The following HOMER1 variants were observed in gnomAD, a reference collection of about 807,000 sequenced individuals.
The protein encoded by HOMER1 is homer scaffold protein 1, also known as homer protein homolog 1.
HOMER1 carries 3 observed loss-of-function variants against 48.9 expected under a neutral mutation model. The ratio of observed to expected loss-of-function variants is 0.06; its 90% CI spans 0.03 to 0.16. The LOEUF is 0.16. Ranked by LOEUF, HOMER1 falls within the 10% of genes least tolerant of loss-of-function variation. HOMER1 has a pLI of 1.00. For synonymous variants in HOMER1, 134 were observed against 146.4 expected (o/e 0.92, Z 0.61); for missense variants, 247 against 411.4 (o/e 0.60, Z 3.46).
chr5:79,406,783 G>C (rs888167702), intron 5 of HOMER1, among the ~76,000 whole-genome samples: 1 of 152,196 alleles, frequency 6.6e-6, no homozygotes, highest in Non-Finnish European at 1.5e-5. Flanking sequence ...TCTCTAACCT[G>C]TGGGACAGAG....
intron 8 of HOMER1, among the ~76,000 whole-genome samples, chr5:79,379,373 T>G: frequency 8.8e-6 from 1 of 113,688 alleles, no homozygotes; most frequent in Admixed American, 1.2e-4. Context: ...TTTATATATA[T>G]TTATATATTT....
intron 8 of HOMER1, among the ~76,000 whole-genome samples, chr5:79,376,905 C>T (rs939386433): frequency 6.6e-6 from 1 of 152,166 alleles, no homozygotes; most frequent in Non-Finnish European, 1.5e-5. Context: ...TTGTTTTTGA[C>T]AGAATAAACT....
At chr5:79,499,972 T>C (rs1465508691) in intron 1 of HOMER1, among the ~76,000 whole-genome samples, 1 of 152,186 alleles carries the variant, frequency 6.6e-6, no homozygotes, top group Non-Finnish European at 1.5e-5. Context: ...CCACTAGTGA[T>C]GCTGGAAGTG....
At chr5:79,410,422 C>T (rs978237368) in intron 5 of HOMER1, among the ~76,000 whole-genome samples, 2 of 147,136 alleles carry the variant, frequency 1.4e-5, no homozygotes, top group African/African-American at 2.5e-5. Flanking sequence ...ACCCAGGAGG[C>T]GGAGGCTGCA....
chr5:79,400,466 C>T (rs1749506029), intron 6 of HOMER1, among the ~76,000 whole-genome samples: 1 of 150,412 alleles, frequency 6.6e-6, no homozygotes, highest in Admixed American at 6.6e-5. Context: ...AAGTGATGTT[C>T]CCACCTCAGC....
intron 1 of HOMER1, among the ~76,000 whole-genome samples, chr5:79,465,734 A>T (rs1419234270): frequency 6.6e-6 from 1 of 151,610 alleles, no homozygotes; most frequent in African/African-American, 2.4e-5. Context: ...CTGGGACTAC[A>T]GGCACCCGTC....
intron 1 of HOMER1, among the ~76,000 whole-genome samples, chr5:79,473,594 T>C (rs1751679806): frequency 6.6e-6 from 1 of 152,238 alleles, no homozygotes; most frequent in Non-Finnish European, 1.5e-5. Flanking sequence ...AAAGTGGTAA[T>C]ACCTACTCTT....
intron 1 of HOMER1, among the ~76,000 whole-genome samples, chr5:79,509,104 A>G (rs184267620): frequency 1.3e-5 from 2 of 152,338 alleles, no homozygotes; most frequent in Admixed American, 1.3e-4. Flanking sequence ...AGGCAGAAGG[A>G]GGTGTCAGCT....
chr5:79,485,511 G>T (rs1202798180), intron 1 of HOMER1, among the ~76,000 whole-genome samples: 1 of 152,134 alleles, frequency 6.6e-6, no homozygotes, highest in African/African-American at 2.4e-5. Context: ...TTTGGAACAC[G>T]CTTTCCTTAG....
intron 1 of HOMER1, among the ~76,000 whole-genome samples, chr5:79,476,383 G>T (rs1050314330): frequency 1.3e-5 from 2 of 152,084 alleles, no homozygotes; most frequent in African/African-American, 4.8e-5. Flanking sequence ...CACCAGCTGG[G>T]TGTCCTCTAA....
intron 3 of HOMER1, among the ~76,000 whole-genome samples, chr5:79,450,698 C>T (rs1005182172): frequency 6.6e-6 from 1 of 152,164 alleles, no homozygotes; most frequent in Non-Finnish European, 1.5e-5. Context: ...GGGTACTAAT[C>T]TCTGACAAAA....
Position 79,495,747 on chromosome 5 carries a change from A to AT in HOMER1, c.5+17022dup, listed in dbSNP as rs1350723358. On this transcript the variant is annotated intron_variant, in intron 1 of 8. Coordinates refer to ENST00000334082, the MANE Select transcript of HOMER1 (RefSeq NM_004272.5). ...TAACATGTGCTTACATCATGCATTG[A>AT]TTTTTCAGGTGTTGGTTACAGGGAG... Among the ~76,000 whole-genome samples the AT allele has an allele frequency of 4.6e-5, 7 of 152,244 alleles. No homozygotes were observed. In the South Asian group the frequency reaches 6.2e-4, roughly 14 times the overall value.
intron 5 of HOMER1, among the ~76,000 whole-genome samples, chr5:79,432,388 G>C (rs2112265470): frequency 6.6e-6 from 1 of 152,290 alleles, no homozygotes; most frequent in South Asian, 2.1e-4. Flanking sequence ...ATTCCAGCTA[G>C]TCTTCTTGAA....
chr5:79,500,893 G>A (rs1270974227), intron 1 of HOMER1, among the ~76,000 whole-genome samples: 2 of 151,024 alleles, frequency 1.3e-5, no homozygotes, highest in East Asian at 4.0e-4. Context: ...CCAAAGTGCT[G>A]GGATTATAGG....
At chr5:79,430,072 A>C (rs541632957) in intron 5 of HOMER1, among the ~76,000 whole-genome samples, 9 of 152,296 alleles carry the variant, frequency 5.9e-5, no homozygotes, top group African/African-American at 1.9e-4. Flanking sequence ...CAAGAAAAAA[A>C]AATAGTGAAA....
chr5:79,441,968 GGTGTGTGT>G (rs147719225), intron 4 of HOMER1, among the ~76,000 whole-genome samples: 1 of 147,542 alleles, frequency 6.8e-6, no homozygotes, highest in Admixed American at 6.8e-5. Context: ...TCTTTTTTGG[GGTGTGTGT>G]GTGTGTGTGT....
chr5:79,471,650 G>T (rs749015043), intron 1 of HOMER1, among the ~76,000 whole-genome samples: 1 of 152,108 alleles, frequency 6.6e-6, no homozygotes, highest in Non-Finnish European at 1.5e-5. Flanking sequence ...AGCTTCCGTG[G>T]CCTGGGTGGG....
chr5:79,465,907 CTTACT>C (rs1561374470), intron 1 of HOMER1, among the ~76,000 whole-genome samples: 1 of 152,070 alleles, frequency 6.6e-6, no homozygotes, highest in African/African-American at 2.4e-5. Flanking sequence ...TATGTCACCT[CTTACT>C]TTAAGAGTAG....
At chr5:79,465,112 G>C (rs1249608055) in intron 1 of HOMER1, among the ~76,000 whole-genome samples, 4 of 152,080 alleles carry the variant, frequency 2.6e-5, no homozygotes, top group Admixed American at 6.6e-5. Context: ...CAAAGCGGGA[G>C]GATCGCTTGA....
Sources: allele counts gnomAD v4.1 joint callset (sites outside exome capture counted in the v4.1 genomes callset), GRCh38; gene constraint gnomAD v4.1.1; transcripts MANE v1.5; gene names NCBI Gene and HGNC (gene_info 2026-07-23, HGNC 2026-07-21).